SYNE2: variants seen among roughly 807,000 people sequenced by gnomAD.
The protein encoded by SYNE2 is spectrin repeat containing nuclear envelope protein 2, also known as nesprin-2.
Under a neutral mutation model 856.3 loss-of-function variants are expected in SYNE2, and 431 were observed. That is an observed-to-expected ratio of 0.50 (90% CI 0.47 to 0.55). The LOEUF (loss-of-function observed/expected upper bound fraction) is 0.55, where lower values mean the gene tolerates loss of function less well. SYNE2 is among the 20% of genes least tolerant of loss of function. The probability of loss-of-function intolerance (pLI) is 0.00; values close to 1 mark genes in which losing one functional copy is unlikely to be tolerated. For synonymous variants in SYNE2, 2,923 were observed against 2,872.3 expected (o/e 1.02, Z -0.56); for missense variants, 8,129 against 8,023.2 (o/e 1.01, Z -0.50).
intron 2 of SYNE2, among the ~76,000 whole-genome samples, chr14:63,927,720 C>T (rs1404194857): frequency 1.3e-5 from 2 of 151,908 alleles, no homozygotes; most frequent in South Asian, 2.1e-4. Context: ...GGTGAAACCC[C>T]GCCTCTACTA....
At chr14:64,215,186 G>T in intron 106 of SYNE2, 100 bp from the exon 107 acceptor site, 1 of 1,149,522 alleles carries the variant, frequency 8.7e-7, no homozygotes. Flanking sequence ...ATAAAGGGTA[G>T]TTTTCTCCTT....
At chr14:64,187,675 G>A (rs895942464) in intron 97 of SYNE2, among the ~76,000 whole-genome samples, 9 of 152,148 alleles carry the variant, frequency 5.9e-5, no homozygotes, top group Admixed American at 5.9e-4. Context: ...ATACACAGCA[G>A]GAAAATCTCA....
At chr14:64,094,333 C>CA (rs1567276743) in intron 61 of SYNE2, among the ~76,000 whole-genome samples, 1 of 150,498 alleles carries the variant, frequency 6.6e-6, no homozygotes, top group African/African-American at 2.4e-5. Context: ...GACTCCGTCT[C>CA]AAAAAAATTA....
chr14:64,100,861 G>GTT (rs530237906), intron 63 of SYNE2, among the ~76,000 whole-genome samples: 6 of 141,436 alleles, frequency 4.2e-5, no homozygotes, highest in African/African-American at 1.3e-4. Context: ...GCTTCTATGA[G>GTT]TTTTTTTTTT....
chr14:64,071,022 A>G, intron 52 of SYNE2, 112 bp downstream of exon 52: 1 of 1,089,522 alleles, frequency 9.2e-7, no homozygotes, highest in Non-Finnish European at 1.4e-6. Flanking sequence ...TTGAGGTGAG[A>G]CAACACTGAT....
chr14:63,827,848 G>A (rs1889514191), intron 1 of SYNE2, among the ~76,000 whole-genome samples: 1 of 151,516 alleles, frequency 6.6e-6, no homozygotes, highest in Non-Finnish European at 1.5e-5. Flanking sequence ...TATACAGTAA[G>A]CCCTTCATAT....
At chr14:63,861,500 T>G (rs1169562259) in intron 1 of SYNE2, among the ~76,000 whole-genome samples, 1 of 151,818 alleles carries the variant, frequency 6.6e-6, no homozygotes, top group East Asian at 1.9e-4. Context: ...AAACATTAAT[T>G]GCAGTGTAGG....
chr14:64,186,695 A>AC, intron 97 of SYNE2, 116 bp downstream of exon 97: 1 of 1,394,596 alleles, frequency 7.2e-7, no homozygotes, highest in Non-Finnish European at 1.0e-6. Flanking sequence ...TTTCAGTGGG[A>AC]CCCCTGGCCC....
In SYNE2 at chr14:64,093,406, T is replaced by A. The variant is rs193034608; in HGVS notation, c.12034T>A (p.Leu4012Ile). ...DEEIENLKQI[L>I]NNYSAQFSLE... is the part of the protein sequence containing the mutation. Reference sequence around the variant, plus strand: ...AGAAATAGAAAATTTGAAACAGATCTTAAATAATTATTCAGCTCAGTTCTC... The same window carrying A: ...AGAAATAGAAAATTTGAAACAGATCATAAATAATTATTCAGCTCAGTTCTC... Residue 4012 changes from leucine to isoleucine, a missense_variant, in exon 61 of 116, where the codon TTA becomes ATA. Leu to Ile is a conservative substitution (Grantham distance 5). Transcript: ENST00000555002. 6.2e-7 allele frequency: 1 copy of A among 1,614,146 alleles called. No individual in the cohort carries two copies. The highest frequency in any genetic ancestry group is 1.1e-5 in the South Asian group (1 of 91,084).
intron 23 of SYNE2, 48 bp from the exon 24 acceptor site, chr14:63,996,899 C>T (rs765731700): frequency 6.4e-7 from 1 of 1,558,196 alleles, no homozygotes; most frequent in Admixed American, 1.7e-5. Context: ...ATGGAATAAT[C>T]ATGTAAACTC....
rs12897236 is a variant in SYNE2, at chr14:63,786,777, T to A, written c.-305+24791T>A. Among the ~76,000 whole-genome samples, 3 of 152,050 alleles carry A rather than the reference T, an allele frequency of 2.0e-5. No individual in the cohort carries two copies. In the South Asian group the frequency reaches 6.2e-4, roughly 32 times the overall value. ...GCTTTTTCTCTCTTTTTAAAAAAAG[T>A]TTTTTAGACAGGGTCTCGCTCTGTT... On this transcript the variant is annotated intron_variant, in intron 1 of 23. Coordinates refer to the SYNE2 transcript ENST00000674003.
chr14:64,219,537 ACT>A (rs2098685064), intron 110 of SYNE2, 127 bp downstream of exon 110: 4 of 907,288 alleles, frequency 4.4e-6, no homozygotes, highest in Non-Finnish European at 7.0e-6. Flanking sequence ...TGTAGAGGTC[ACT>A]CTCTTCCATT....
chr14:64,090,774 A>C (rs1288874744), intron 59 of SYNE2, 92 bp from the exon 60 acceptor site: 3 of 1,173,684 alleles, frequency 2.6e-6, no homozygotes, highest in Non-Finnish European at 3.6e-6. Flanking sequence ...GCAAACTATA[A>C]AAACTATACT....
At chr14:63,845,407 A>ACT (rs558552521) in intron 1 of SYNE2, among the ~76,000 whole-genome samples, 2 of 149,576 alleles carry the variant, frequency 1.3e-5, no homozygotes, top group Non-Finnish European at 3.0e-5. Context: ...CAACAGCAAA[A>ACT]CTCTGTCTCA....
intron 67 of SYNE2, among the ~76,000 whole-genome samples, chr14:64,120,285 G>A (rs1005490928): frequency 1.3e-5 from 2 of 152,098 alleles, no homozygotes; most frequent in Non-Finnish European, 2.9e-5. Context: ...TTTAGCCATA[G>A]GGGAAATTTG....
At chr14:63,799,431 C>T (rs571217613) in intron 1 of SYNE2, among the ~76,000 whole-genome samples, 48 of 147,854 alleles carry the variant, frequency 3.2e-4, no homozygotes, top group African/African-American at 1.1e-3. Context: ...CGCGGTGGCT[C>T]ATGCCTATAA....
rs2097436626 is a variant in SYNE2, at chr14:64,074,108, A to G, written c.10838A>G (p.Asp3613Gly). The G allele has an allele frequency of 6.2e-7, 1 of 1,614,234 alleles. No individual in the cohort carries two copies. The highest frequency in any genetic ancestry group is 8.5e-7 in the Non-Finnish European group (1 of 1,180,030). Reference sequence around the variant, plus strand: ...TCATTCCAAAATATGGCATTCCAGGATCACCCAGAAAAGTCAGAACAATTT... The same window carrying G: ...TCATTCCAAAATATGGCATTCCAGGGTCACCCAGAAAAGTCAGAACAATTT... Reference protein sequence around the residue: ...TTSFQNMAFQDHPEKSEQFEE... With the variant: ...TTSFQNMAFQGHPEKSEQFEE... The change falls in exon 53 of 116, where the codon GAT becomes GGT. Residue 3613 changes from aspartate to glycine, a missense_variant. This residue lies in a region of SYNE2 where 5,410 missense variants were observed against 5,284.8 expected (regional missense o/e 1.02). Transcript: ENST00000555002.
intron 38 of SYNE2, 92 bp from the exon 39 acceptor site, chr14:64,024,165 C>A: frequency 9.5e-7 from 1 of 1,052,406 alleles, no homozygotes. Context: ...GGTGGTATGT[C>A]TGTGTACTGG....
chr14:63,766,386 G>A (rs1886687491), intron 1 of SYNE2, among the ~76,000 whole-genome samples: 2 of 152,198 alleles, frequency 1.3e-5, no homozygotes, highest in Middle Eastern at 3.4e-3. Flanking sequence ...AGCCAATAGT[G>A]GAATTCTTTT....
Sources: allele counts gnomAD v4.1 joint callset (sites outside exome capture counted in the v4.1 genomes callset), GRCh38; gene constraint gnomAD v4.1.1; regional missense constraint gnomAD v4.1.1; transcripts MANE v1.5; gene names NCBI Gene and HGNC (gene_info 2026-07-23, HGNC 2026-07-21).